The following HDLBP variants were observed in gnomAD, a reference collection of about 807,000 sequenced individuals.
HDLBP encodes vigilin.
HDLBP carries 30 observed loss-of-function variants against 137.3 expected under a neutral mutation model. The observed-to-expected ratio is 0.22, with a 90% CI of 0.16 to 0.30. HDLBP has a LOEUF of 0.30. HDLBP is among the 10% of genes least tolerant of loss of function. HDLBP has a pLI of 1.00. For missense variants in HDLBP, 1,119 were observed against 1,667.3 expected (o/e 0.67, Z 5.73); for synonymous variants, 606 against 596.0 (o/e 1.02, Z -0.24).
At chr2:241,302,977 G>A (rs907360251) in intron 1 of HDLBP, among the ~76,000 whole-genome samples, 1 of 152,164 alleles carries the variant, frequency 6.6e-6, no homozygotes, top group African/African-American at 2.4e-5. Flanking sequence ...AATGCCCAAC[G>A]ACTTAACTCT....
chr2:241,302,591 T>C (rs1425124490), intron 1 of HDLBP: 13 of 152,324 alleles, frequency 8.5e-5, no homozygotes, highest in African/African-American at 3.1e-4. Context: ...TTAAAAACTA[T>C]TTCTCCCAAT....
chr2:241,268,940 T>G (rs548932395), intron 1 of HDLBP: 3 of 152,388 alleles, frequency 2.0e-5, no homozygotes, highest in East Asian at 3.9e-4. Context: ...AGGGTTGTTG[T>G]GCTGGGCTCT....
In HDLBP at chr2:241,267,665, A is replaced by G. The variant is rs1433369865; in HGVS notation, c.-37-759T>C. The G allele has an allele frequency of 1.2e-5, 18 of 1,535,464 alleles. No individual in the cohort carries two copies. The South Asian group carries it at 1.8e-4, about 15-fold the overall frequency. On this transcript the variant is annotated intron_variant, in intron 2 of 27. Transcript: ENST00000310931. ...AAGGTGCATCCAGGCCCCAAACTAA[A>G]CCACCTCCAAATCTCGACTTAACCA...
intron 1 of HDLBP, among the ~76,000 whole-genome samples, chr2:241,276,635 G>A (rs1023005249): frequency 1.3e-5 from 2 of 152,074 alleles, no homozygotes; most frequent in African/African-American, 4.8e-5. Flanking sequence ...GAAGTACTCC[G>A]AGCAAATACT....
chr2:241,236,452 C>G (rs1207589718), intron 21 of HDLBP, 163 bp downstream of exon 21: 2 of 703,382 alleles, frequency 2.8e-6, no homozygotes, highest in Admixed American at 5.2e-5. Context: ...ACTCTGTGTC[C>G]AGCCGAGAAG....
chr2:241,272,710 G>T lies in HDLBP; in HGVS notation c.-102-4169C>A, dbSNP rs1276901384. 1 of 458,480 alleles carries T rather than the reference G, an allele frequency of 2.2e-6. No homozygotes were observed. Among genetic ancestry groups the T allele is most frequent in the Admixed American group, 3.2e-4 (1 of 3,152 alleles). The allele number at this position is 458,480 out of a possible 1,614,324, so 28.4% of individuals were successfully genotyped here. A position where few individuals can be genotyped will look rare whatever the true frequency, so the allele number is the denominator to read the frequency against. On this transcript the variant is annotated intron_variant, in intron 1 of 27. Transcript: ENST00000310931. The surrounding 1 kb of genome is among the most constrained non-coding windows in gnomAD (Gnocchi z 5.6). Reference sequence around the variant, plus strand: ...CACCCCCCCGCCCGGCAGCCCGCCCGCCCCGTCCGCCCGCCCGCCCAGGCC... The same window carrying T: ...CACCCCCCCGCCCGGCAGCCCGCCCTCCCCGTCCGCCCGCCCGCCCAGGCC...
intron 1 of HDLBP, among the ~76,000 whole-genome samples, chr2:241,303,425 A>G (rs1266310399): frequency 2.6e-5 from 4 of 152,230 alleles, no homozygotes; most frequent in Admixed American, 6.5e-5. Flanking sequence ...GAAAGGTGAC[A>G]TATTACAGAA....
chr2:241,266,412 C>T (rs1047446513), intron 3 of HDLBP: 3 of 232,274 alleles, frequency 1.3e-5, no homozygotes, highest in Middle Eastern at 1.6e-3. Context: ...TCGAGAACTC[C>T]GAAGCCAGGG....
chr2:241,259,364 T>C (rs2072977852), intron 5 of HDLBP, among the ~76,000 whole-genome samples: 1 of 152,202 alleles, frequency 6.6e-6, no homozygotes, highest in Admixed American at 6.5e-5. Context: ...TACTTTATTA[T>C]ATAACGTTGA....
chr2:241,305,311 T>C (rs1024663246), intron 1 of HDLBP, among the ~76,000 whole-genome samples: 4 of 152,150 alleles, frequency 2.6e-5, no homozygotes, highest in Non-Finnish European at 5.9e-5. Flanking sequence ...TTAGTAGAGA[T>C]GGGGTTTCAC....
intron 23 of HDLBP, 80 bp from the exon 24 acceptor site, chr2:241,234,043 T>C (rs2070107036): frequency 2.6e-6 from 4 of 1,517,402 alleles, no homozygotes; most frequent in Admixed American, 1.7e-5. Context: ...ACCCTGGTCA[T>C]AGGACACTGG....
chr2:241,267,057 T>C (rs866885111), intron 2 of HDLBP, among the ~76,000 whole-genome samples, 151 bp from the exon 3 acceptor site: 6 of 152,204 alleles, frequency 3.9e-5, no homozygotes, highest in Middle Eastern at 3.4e-3. Context: ...TGTAAGCTGA[T>C]ACCCAAACTC....
chr2:241,279,926 T>TAA, intron 1 of HDLBP: 1 of 985,194 alleles, frequency 1.0e-6, no homozygotes, highest in Non-Finnish European at 1.2e-6. Context: ...ACTCCTCTCT[T>TAA]TGCTTTAACT....
At chr2:241,298,133 A>G (rs1221015817) in intron 1 of HDLBP, among the ~76,000 whole-genome samples, 1 of 147,414 alleles carries the variant, frequency 6.8e-6, no homozygotes. Context: ...TGGGAGGCAG[A>G]AGCAGGAGGC....
intron 16 of HDLBP, 56 bp downstream of exon 16, chr2:241,246,694 CTT>C: frequency 6.4e-7 from 1 of 1,565,682 alleles, no homozygotes; most frequent in Admixed American, 1.7e-5. Flanking sequence ...CAGGCTCAAT[CTT>C]AGAGGCTGTT....
chr2:241,231,936 A>G (rs2069814515), intron 24 of HDLBP, among the ~76,000 whole-genome samples: 1 of 151,860 alleles, frequency 6.6e-6, no homozygotes, highest in African/African-American at 2.4e-5. Flanking sequence ...GACAGGGACA[A>G]ATCACAACAC....
At chr2:241,244,298 G>C (rs778450140) in intron 16 of HDLBP, among the ~76,000 whole-genome samples, 1 of 152,196 alleles carries the variant, frequency 6.6e-6, no homozygotes, top group Non-Finnish European at 1.5e-5. Flanking sequence ...AATGCTCATA[G>C]TGACCAAAAA....
chr2:241,235,440 G>A (rs1379009980), intron 22 of HDLBP, 50 bp downstream of exon 22: 20 of 1,487,500 alleles, frequency 1.3e-5, no homozygotes, highest in African/African-American at 2.8e-5. Flanking sequence ...ACTCGGGAGA[G>A]GATGCGACAG....
intron 1 of HDLBP, among the ~76,000 whole-genome samples, chr2:241,285,484 C>T (rs995838043): frequency 2.6e-5 from 4 of 152,186 alleles, no homozygotes; most frequent in African/African-American, 9.7e-5. Context: ...CAAGTCTCCA[C>T]CCCCACAGTA....
Sources: gnomAD v4.1 joint callset for allele counts (sites outside exome capture counted in the v4.1 genomes callset) on GRCh38, gnomAD v4.1.1 for gene constraint, Gnocchi (gnomAD v3.1) non-coding constraint, MANE v1.5 for transcripts, NCBI Gene and HGNC (gene_info 2026-07-23, HGNC 2026-07-21) for gene names.